TTLL1: variants seen among roughly 807,000 people sequenced by gnomAD.
TTLL1 encodes TTL family tubulin polyglutamylase complex subunit L1.
In TTLL1, 33 loss-of-function variants were observed where a neutral mutation model predicts 47.8. That is an observed-to-expected ratio of 0.69 (90% CI 0.52 to 0.92). The LOEUF (loss-of-function observed/expected upper bound fraction) is 0.92, where lower values mean the gene tolerates loss of function less well. Among genes scored for constraint, TTLL1 ranks in the 40% least tolerant of loss-of-function variants. The pLI, the probability that TTLL1 is intolerant of heterozygous loss-of-function variation, is 0.00. For synonymous variants in TTLL1, 225 were observed against 214.1 expected (o/e 1.05, Z -0.45); for missense variants, 488 against 547.5 (o/e 0.89, Z 1.08).
At chr22:43,069,557 C>A in intron 4 of TTLL1, 79 bp downstream of exon 4, 1 of 1,589,006 alleles carries the variant, frequency 6.3e-7, no homozygotes, top group South Asian at 1.2e-5. Context: ...AGCCAACAGT[C>A]ACCACCTCAG....
At chr22:43,063,037 G>GA (rs758528558) in intron 7 of TTLL1, among the ~76,000 whole-genome samples, 38 of 152,132 alleles carry the variant, frequency 2.5e-4, no homozygotes, top group Non-Finnish European at 4.9e-4. Context: ...ATGTGTACTT[G>GA]AAGTACGGTT....
rs371625476 is a variant in TTLL1 at position 43,054,551 on chromosome 22, A to T, written c.892-2664T>A. 5.9e-5 allele frequency among the ~76,000 whole-genome samples: 9 copies of T among 151,626 alleles called. No homozygotes were observed. In the East Asian group the frequency reaches 1.4e-3, roughly 23 times the overall value. The stretch of plus-strand genomic sequence containing the variant: ...GCGATTCTCTTGCTTCAGCCTCCCA[A>T]ATAGCTGGGATCACAGGCATGCGCC... On this transcript the variant is annotated intron_variant, in intron 8 of 10. Coordinates refer to ENST00000266254, the MANE Select transcript of TTLL1 (RefSeq NM_012263.5).
chr22:43,073,323 GTCTA>G (rs1317655128), intron 3 of TTLL1, among the ~76,000 whole-genome samples: 1 of 129,336 alleles, frequency 7.7e-6, no homozygotes, highest in Non-Finnish European at 1.6e-5. Context: ...ACTGCGCCCG[GTCTA>G]TTTATTTATT....
chr22:43,055,610 T>C (rs1295288360), intron 8 of TTLL1, among the ~76,000 whole-genome samples: 3 of 151,496 alleles, frequency 2.0e-5, no homozygotes, highest in Non-Finnish European at 4.4e-5. Context: ...GGACAACAGG[T>C]GTGCACCAAC....
intron 3 of TTLL1, among the ~76,000 whole-genome samples, chr22:43,073,521 TA>T (rs1928273337): frequency 6.6e-6 from 1 of 151,582 alleles, no homozygotes; most frequent in South Asian, 2.1e-4. Context: ...CACACCCAGA[TA>T]ATTTTTGTAT....
chr22:43,058,069 G>C (rs1002325593), intron 8 of TTLL1, among the ~76,000 whole-genome samples: 1 of 151,294 alleles, frequency 6.6e-6, no homozygotes, highest in Non-Finnish European at 1.5e-5. Context: ...TCAGCCTCCC[G>C]AGTAGCTGGG....
chr22:43,039,866 C>T lies in TTLL1; in HGVS notation c.1182G>A (p.Arg394=). Residue 394 remains arginine, a synonymous_variant, in exon 11 of 11, where the codon CGG becomes CGA. Transcript: ENST00000266254. ...ACTGACCCTGACGGCTTCTCAGCTCCCGGTCAGCCCCGTCACCCTGGGCCA... is the reference window on the plus strand; with the variant it reads ...ACTGACCCTGACGGCTTCTCAGCTCTCGGTCAGCCCCGTCACCCTGGGCCA... ...EELAQGDGAD[R]ELRSRQGQSL... 1.9e-6 allele frequency: 3 copies of T among 1,613,906 alleles called. No homozygotes were observed. The highest frequency in any genetic ancestry group is 2.5e-6 in the Non-Finnish European group (3 of 1,180,010).
Position 43,039,795 on chromosome 22 carries a change from A to G in TTLL1, c.1253T>C (p.Val418Ala). 6.2e-7 allele frequency: 1 copy of G among 1,613,080 alleles called. No homozygotes were observed. Among genetic ancestry groups the G allele is most frequent in the Non-Finnish European group, 8.5e-7 (1 of 1,179,384 alleles). The change falls in exon 11 of 11, where the codon GTC becomes GCC. Residue 418 changes from valine to alanine, a missense_variant. Coordinates refer to ENST00000266254, the MANE Select transcript of TTLL1 (RefSeq NM_012263.5). Reference protein sequence around the residue: ...AGRSRDSGRAVLTTWK With the variant: ...AGRSRDSGRAALTTWK Reference sequence around the variant, plus strand: ...TGGGACTCACTTCCAGGTGGTGAGGACCGCTCTCCCCGAGTCTCTCGATCG... The same window carrying G: ...TGGGACTCACTTCCAGGTGGTGAGGGCCGCTCTCCCCGAGTCTCTCGATCG...
In TTLL1 at chr22:43,046,443, G is replaced by A. The variant is rs747075337; in HGVS notation, c.1109C>T (p.Pro370Leu). The change falls in exon 10 of 11, where the codon CCA (proline) becomes CTA (leucine). Residue 370 changes from proline (P) to leucine (L), a missense_variant. Transcript: ENST00000266254. ...EIPDCKWNKS[P>L]PKEVLGNYEI... is the part of the protein sequence containing the mutation. Reference sequence around the variant, plus strand: ...GTAATTGCCGAGGACTTCCTTAGGTGGCGACTTGTTCCATTTGCAGTCTGG... The same window carrying A: ...GTAATTGCCGAGGACTTCCTTAGGTAGCGACTTGTTCCATTTGCAGTCTGG... 1.2e-6 allele frequency: 2 copies of A among 1,613,930 alleles called. No individual in the cohort carries two copies. The highest frequency in any genetic ancestry group is 1.3e-5 in the African/African-American group (1 of 74,882).
chr22:43,084,590 C>T (rs1929109353), intron 1 of TTLL1, among the ~76,000 whole-genome samples: 1 of 151,620 alleles, frequency 6.6e-6, no homozygotes, highest in African/African-American at 2.4e-5. Flanking sequence ...CAAGCTCTGC[C>T]TCCTGGGCTC....
At chr22:43,076,506 C>T (rs530815983) in intron 2 of TTLL1, among the ~76,000 whole-genome samples, 14 of 151,904 alleles carry the variant, frequency 9.2e-5, no homozygotes, top group South Asian at 4.2e-4. Flanking sequence ...AATCCCAACA[C>T]TTTGGGCGGC....
chr22:43,039,625 T>A lies in TTLL1; in HGVS notation c.*151A>T. 1 of 961,542 alleles carries A rather than the reference T, an allele frequency of 1.0e-6. No homozygotes were observed. The highest frequency in any genetic ancestry group is 1.4e-6 in the Non-Finnish European group (1 of 702,260). 59.6% of individuals were successfully genotyped at this position (961,542 alleles called of 1,614,324 possible). On this transcript the variant is annotated 3_prime_UTR_variant, in exon 11 of 11. Transcript: ENST00000266254. ...CATGAATTGTTTCCTTTAGCACTAG[T>A]CAAACAGACTCCATAACCTTCCAAA...
chr22:43,062,907 C>T lies in TTLL1; in HGVS notation c.747+906G>A, dbSNP rs533802895. Among the ~76,000 whole-genome samples, 15 of 152,312 alleles carry T rather than the reference C, an allele frequency of 9.8e-5. No individual in the cohort carries two copies. In the South Asian group the frequency reaches 2.1e-3, roughly 21 times the overall value. ...GCCTATCTAAGACATGCTTAGAACA[C>T]TTACAATAGCCTGAAGTTGGGCAAA... On this transcript the variant is annotated intron_variant, in intron 7 of 10. Transcript: ENST00000266254.
At chr22:43,041,523 TTC>T (rs1487018495) in intron 10 of TTLL1, among the ~76,000 whole-genome samples, 2 of 124,998 alleles carry the variant, frequency 1.6e-5, no homozygotes, top group Non-Finnish European at 3.2e-5. Flanking sequence ...AGAAAGCATT[TTC>T]TGATTCCTTT....
At chr22:43,077,603 G>A (rs61359526) in intron 2 of TTLL1, among the ~76,000 whole-genome samples, 2,331 of 152,234 alleles carry the variant, frequency 0.015, 62 homozygotes, top group African/African-American at 0.054. Flanking sequence ...GCCTGTCAGC[G>A]CCACTGTGGG....
chr22:43,062,539 A>G (rs1305240920), intron 7 of TTLL1, among the ~76,000 whole-genome samples: 1 of 151,538 alleles, frequency 6.6e-6, no homozygotes, highest in African/African-American at 2.4e-5. Flanking sequence ...AAGAAACTGC[A>G]TTATTTAACG....
intron 9 of TTLL1, among the ~76,000 whole-genome samples, chr22:43,048,572 C>T (rs1926341556): frequency 6.6e-6 from 1 of 150,940 alleles, no homozygotes. Flanking sequence ...CCCAGGAGTT[C>T]AAGTTGCGGC....
intron 2 of TTLL1, among the ~76,000 whole-genome samples, chr22:43,079,206 C>A (rs1354437572): frequency 1.0e-5 from 1 of 98,932 alleles, no homozygotes; most frequent in South Asian, 3.5e-4. Flanking sequence ...GGGAGCCGCA[C>A]CCCAGAGCGT....
intron 5 of TTLL1, among the ~76,000 whole-genome samples, chr22:43,065,266 T>C (rs1325390796): frequency 2.0e-5 from 3 of 152,108 alleles, no homozygotes; most frequent in Non-Finnish European, 4.4e-5. Flanking sequence ...GATGATGGGC[T>C]GGTGTCAGTC....
Sources: allele counts gnomAD v4.1 joint callset (sites outside exome capture counted in the v4.1 genomes callset), GRCh38; gene constraint gnomAD v4.1.1; transcripts MANE v1.5; gene names NCBI Gene and HGNC (gene_info 2026-07-23, HGNC 2026-07-21).